CSMD1: variants seen among roughly 807,000 people sequenced by gnomAD.
CSMD1 encodes the protein CUB and sushi domain-containing protein 1.
A neutral mutation model predicts 417.5 loss-of-function variants in CSMD1; 213 were observed. The ratio of observed to expected loss-of-function variants is 0.51; its 90% CI spans 0.46 to 0.57. CSMD1 has a LOEUF of 0.57. CSMD1 is among the 20% of genes least tolerant of loss of function. CSMD1 has a pLI of 0.00. For synonymous variants in CSMD1, 2,862 were observed against 1,736.8 expected, an observed-to-expected ratio of 1.65 and a Z score of -16.11; for missense variants, 6,923 against 4,529.7, an observed-to-expected ratio of 1.53 and a Z score of -15.17.
In CSMD1 at chr8:3,365,035, T is replaced by G. The variant is rs80285435; in HGVS notation, c.3115+1997A>C. Among the ~76,000 whole-genome samples, 242 of 152,286 alleles carry G rather than the reference T, an allele frequency of 1.6e-3. 8 individuals carry two copies. In the East Asian group the frequency reaches 0.042, roughly 27 times the overall value. ...CTGCCATTTTCTTTTTTTGGAGAAG[T>G]CTATTTAAATTCATTTTGGGTCCTG... On this transcript the variant is annotated intron_variant, in intron 20 of 69. Coordinates refer to ENST00000635120, the MANE Select transcript of CSMD1 (RefSeq NM_033225.6).
At chr8:3,032,602 A>T (rs996149020) in intron 50 of CSMD1, among the ~76,000 whole-genome samples, 5 of 151,972 alleles carry the variant, frequency 3.3e-5, no homozygotes, top group Middle Eastern at 3.4e-3. Flanking sequence ...ACCCCCAAAC[A>T]CCTACCCCAG....
At chr8:4,480,429 G>A (rs567721722) in intron 2 of CSMD1, among the ~76,000 whole-genome samples, 3 of 152,216 alleles carry the variant, frequency 2.0e-5, no homozygotes, top group East Asian at 3.9e-4. Flanking sequence ...TCCTTATCTC[G>A]AGTCTATTGC....
At chr8:4,813,357 A>G (rs781523916) in intron 1 of CSMD1, among the ~76,000 whole-genome samples, 6 of 152,254 alleles carry the variant, frequency 3.9e-5, no homozygotes, top group African/African-American at 1.4e-4. Flanking sequence ...GAAAAAAAAA[A>G]TTAATAGAAC....
rs537227005 is a variant in CSMD1 at position 4,124,667 on chromosome 8, A to C, written c.416-92568T>G. Among the ~76,000 whole-genome samples, 368 of 152,338 alleles carry C rather than the reference A, an allele frequency of 2.4e-3. 4 individuals are homozygous for C. Among genetic ancestry groups the C allele is most frequent in the African/African-American group, 8.4e-3 (349 of 41,582 alleles). Reference sequence around the variant, plus strand: ...TGTGAAAGTGAGGGACTAAGTGGCTAATCTGGCTGGACTTCCTAGGTCAAT... The same window carrying C: ...TGTGAAAGTGAGGGACTAAGTGGCTCATCTGGCTGGACTTCCTAGGTCAAT... On this transcript the variant is annotated intron_variant, in intron 3 of 69. Coordinates refer to ENST00000635120, the MANE Select transcript of CSMD1 (RefSeq NM_033225.6).
intron 1 of CSMD1, among the ~76,000 whole-genome samples, chr8:4,681,907 C>T (rs1267713951): frequency 6.6e-6 from 1 of 152,158 alleles, no homozygotes; most frequent in Non-Finnish European, 1.5e-5. Flanking sequence ...AGAGTAAGCC[C>T]TACCTCGTGC....
At chr8:4,103,506 A>G (rs950046343) in intron 3 of CSMD1, among the ~76,000 whole-genome samples, 1 of 151,026 alleles carries the variant, frequency 6.6e-6, no homozygotes, top group African/African-American at 2.4e-5. Context: ...AAACATATAA[A>G]TATATATAAA....
At chr8:3,602,240 G>A (rs1801398624) in intron 8 of CSMD1, among the ~76,000 whole-genome samples, 2 of 152,122 alleles carry the variant, frequency 1.3e-5, no homozygotes, top group Non-Finnish European at 2.9e-5. Flanking sequence ...AACCTTCGGG[G>A]TAACTGGAGT....
intron 2 of CSMD1, among the ~76,000 whole-genome samples, chr8:4,595,391 C>G (rs1260614469): frequency 3.8e-5 from 2 of 52,400 alleles, no homozygotes; most frequent in Non-Finnish European, 6.4e-5. Context: ...CATTTTCATT[C>G]CATCCATCCA....
At chr8:4,848,846 G>T (rs1264652774) in intron 1 of CSMD1, among the ~76,000 whole-genome samples, 1 of 152,170 alleles carries the variant, frequency 6.6e-6, no homozygotes, top group African/African-American at 2.4e-5. Flanking sequence ...GCCCAACCCA[G>T]TACATAATAC....
chr8:3,278,875 G>C (rs1183127137), intron 26 of CSMD1: 1 of 152,206 alleles, frequency 6.6e-6, no homozygotes, highest in Non-Finnish European at 1.5e-5. Flanking sequence ...TGGGTGGAGT[G>C]AGAGGGACAT....
At chr8:3,363,058 C>T (rs1272453672) in intron 20 of CSMD1, among the ~76,000 whole-genome samples, 2 of 152,180 alleles carry the variant, frequency 1.3e-5, no homozygotes, top group Non-Finnish European at 2.9e-5. Context: ...TCCACTTTCC[C>T]CTCGGTTTCA....
chr8:3,145,775 C>T (rs910875881), intron 40 of CSMD1, among the ~76,000 whole-genome samples: 15 of 152,140 alleles, frequency 9.9e-5, no homozygotes, highest in African/African-American at 3.1e-4. Flanking sequence ...TCAGAGAGTA[C>T]TAAAGCATAT....
rs1382892835 is a variant in CSMD1 at position 3,795,224 on chromosome 8, GATATAGATATATATCTATCATGTACAC to G, written c.819-41209_819-41183del. ...CAGATATAGATACCTATCATGTACA[GATATAGATATATATCTATCATGTACAC>G]ATATAGATATATATCTATCATGTAC... On this transcript the variant is annotated intron_variant, in intron 5 of 69. Coordinates refer to ENST00000635120, the MANE Select transcript of CSMD1 (RefSeq NM_033225.6). 8.5e-5 allele frequency among the ~76,000 whole-genome samples: 9 copies of G among 106,234 alleles called. 2 individuals are homozygous for G. Among genetic ancestry groups the G allele is most frequent in the East Asian group, 6.0e-4 (2 of 3,316 alleles). 69.7% of individuals were successfully genotyped at this position (106,234 alleles called of 152,430 possible).
intron 57 of CSMD1, 144 bp downstream of exon 57, chr8:2,972,973 G>A: frequency 2.6e-6 from 2 of 774,140 alleles, no homozygotes; most frequent in Admixed American, 3.0e-5. Flanking sequence ...TTCTGATGAT[G>A]CTTCCACAAA....
intron 54 of CSMD1, among the ~76,000 whole-genome samples, chr8:2,996,094 T>A (rs545091772): frequency 6.6e-6 from 1 of 152,292 alleles, no homozygotes; most frequent in East Asian, 1.9e-4. Context: ...AGTGCCTGCC[T>A]GGGAATCTAC....
Position 4,691,686 on chromosome 8 carries a change from T to G in CSMD1, c.86-54128A>C, listed in dbSNP as rs547620241. On this transcript the variant is annotated intron_variant, in intron 1 of 69. Transcript: ENST00000635120. The stretch of plus-strand genomic sequence containing the variant: ...GAAAGGAACATCTACCTGCCTGCCT[T>G]AACTACGCTTATTTTCAACCCAATT... Among the ~76,000 whole-genome samples, 17 of 152,332 alleles carry G rather than the reference T, an allele frequency of 1.1e-4. No individual in the cohort carries two copies. In the East Asian group the frequency reaches 2.9e-3, roughly 26 times the overall value.
intron 25 of CSMD1, among the ~76,000 whole-genome samples, chr8:3,296,475 C>G (rs114176938): frequency 6.6e-6 from 1 of 151,922 alleles, no homozygotes. Context: ...GATGATACAC[C>G]GATGCGGGAT....
At chr8:3,511,644 G>A (rs1053905415) in intron 10 of CSMD1, among the ~76,000 whole-genome samples, 1 of 150,132 alleles carries the variant, frequency 6.7e-6, no homozygotes, top group Non-Finnish European at 1.5e-5. Context: ...TGTGATCCCA[G>A]CTACTCAGGA....
At chr8:4,758,806 C>A (rs953570165) in intron 1 of CSMD1, among the ~76,000 whole-genome samples, 1 of 152,076 alleles carries the variant, frequency 6.6e-6, no homozygotes, top group African/African-American at 2.4e-5. Context: ...GAGAACCTTC[C>A]CCCATAATCC....
Sources: allele counts gnomAD v4.1 joint callset (sites outside exome capture counted in the v4.1 genomes callset), GRCh38; gene constraint gnomAD v4.1.1; transcripts MANE v1.5; gene names NCBI Gene and HGNC (gene_info 2026-07-23, HGNC 2026-07-21).